The following KIF4A variants were observed in gnomAD, a reference collection of about 807,000 sequenced individuals.
KIF4A encodes the protein chromosome-associated kinesin KIF4A.
A neutral mutation model predicts 105.9 loss-of-function variants in KIF4A; 7 were observed. The observed-to-expected ratio is 0.07, with a 90% CI of 0.04 to 0.12. The LOEUF (loss-of-function observed/expected upper bound fraction) is 0.12, where lower values mean the gene tolerates loss of function less well. Among genes scored for constraint, KIF4A ranks in the 10% least tolerant of loss-of-function variants. The pLI, the probability that KIF4A is intolerant of heterozygous loss-of-function variation, is 1.00. For synonymous variants in KIF4A, 281 were observed against 331.3 expected (o/e 0.85, Z 1.65); for missense variants, 558 against 929.2 (o/e 0.60, Z 5.19).
chrX:70,403,969 T>A lies in KIF4A; in HGVS notation c.2725T>A (p.Phe909Ile). 8.3e-7 allele frequency: 1 copy of A among 1,211,143 alleles called. No individual in the cohort carries two copies. Among genetic ancestry groups the A allele is most frequent in the Non-Finnish European group, 1.1e-6 (1 of 895,353 alleles). The change falls in exon 24 of 31, where the codon TTT becomes ATT. Residue 909 changes from phenylalanine (F) to isoleucine (I), a missense_variant. Transcript: ENST00000374403. ...GATGCTGTTTGAGGAACGAAATCATTTTGCCGAGATAGAGACAGAGTTACA... is the reference window on the plus strand; with the variant it reads ...GATGCTGTTTGAGGAACGAAATCATATTGCCGAGATAGAGACAGAGTTACA... Reference protein sequence around the residue: ...QKMLFEERNHFAEIETELQAE... With the variant: ...QKMLFEERNHIAEIETELQAE...
At chrX:70,367,357 A>G (rs1434842599) in intron 15 of KIF4A, among the ~76,000 whole-genome samples, 3 of 111,552 alleles carry the variant, frequency 2.7e-5, no homozygotes, top group Non-Finnish European at 5.6e-5. Context: ...GATGGTCTTT[A>G]CAATTTGGTA....
Position 70,290,781 on chromosome X carries a change from C to G in KIF4A, c.211C>G (p.Pro71Ala), listed in dbSNP as rs1239053478. 1 of 1,191,844 alleles carries G rather than the reference C, an allele frequency of 8.4e-7. No homozygotes were observed. The highest frequency in any genetic ancestry group is 1.1e-6 in the Non-Finnish European group (1 of 878,793). The change falls in exon 3 of 31, where the codon CCA becomes GCA. Residue 71 changes from proline to alanine, a missense_variant. Physicochemically the swap from Pro to Ala is conservative, Grantham distance 27. Transcript: ENST00000374403. ...QEEVFNTAVA[P>A]LIKGVFKGYN... ...AGAAGTCTTCAATACAGCAGTAGCGCCACTCATAAAAGGTGTATTTAAAGG... is the reference window on the plus strand; with the variant it reads ...AGAAGTCTTCAATACAGCAGTAGCGGCACTCATAAAAGGTGTATTTAAAGG...
chrX:70,375,647 A>G (rs914990191), intron 17 of KIF4A, among the ~76,000 whole-genome samples: 1 of 111,868 alleles, frequency 8.9e-6, no homozygotes. Flanking sequence ...ATGATCATGC[A>G]GCATAATTTT....
At chrX:70,362,932 A>G (rs1280827305) in intron 15 of KIF4A, among the ~76,000 whole-genome samples, 1 of 110,543 alleles carries the variant, frequency 9.0e-6, no homozygotes, top group African/African-American at 3.3e-5. Flanking sequence ...TCAATTATTT[A>G]TTTATCTAGA....
chrX:70,312,686 C>T (rs905154719), intron 7 of KIF4A, among the ~76,000 whole-genome samples: 1 of 111,827 alleles, frequency 8.9e-6, no homozygotes, highest in African/African-American at 3.2e-5. Flanking sequence ...TTTATTTGCA[C>T]ATACATAACT....
chrX:70,303,711 A>G (rs1445145472), intron 7 of KIF4A, among the ~76,000 whole-genome samples: 1 of 110,698 alleles, frequency 9.0e-6, no homozygotes, highest in Admixed American at 9.7e-5. Context: ...CTTTATTGAG[A>G]TATAATTTAC....
At chrX:70,354,158 A>G (rs1027653866) in intron 15 of KIF4A, among the ~76,000 whole-genome samples, 1 of 113,025 alleles carries the variant, frequency 8.8e-6, no homozygotes, top group Non-Finnish European at 1.9e-5. Flanking sequence ...AGTATGAATT[A>G]TGAAGACACT....
Position 70,343,777 on chromosome X carries a change from G to A in KIF4A, c.1325+16G>A, listed in dbSNP as rs1314651509. On this transcript the variant is annotated intron_variant, in intron 12 of 30. Coordinates refer to ENST00000374403, the MANE Select transcript of KIF4A (RefSeq NM_012310.5). Reference sequence around the variant, plus strand: ...AGCATGCGGCGTAAGTTGCCCACCAGATATTTGTTAGCAACCTATAGCATC... The same window carrying A: ...AGCATGCGGCGTAAGTTGCCCACCAAATATTTGTTAGCAACCTATAGCATC... 2.5e-6 allele frequency: 3 copies of A among 1,208,229 alleles called. No individual in the cohort carries two copies. In the Admixed American group the frequency reaches 6.5e-5, roughly 26 times the overall value.
At chrX:70,346,048 C>T (rs981211988) in intron 13 of KIF4A, among the ~76,000 whole-genome samples, 6 of 111,055 alleles carry the variant, frequency 5.4e-5, no homozygotes, top group Admixed American at 1.9e-4. Flanking sequence ...ACACTGCTTA[C>T]GAGTTAGCCC....
intron 22 of KIF4A, among the ~76,000 whole-genome samples, chrX:70,399,574 T>C (rs1336291289): frequency 2.7e-5 from 3 of 110,354 alleles, no homozygotes; most frequent in Admixed American, 9.8e-5. Flanking sequence ...ATTGTCCAAA[T>C]GGCACTTTAT....
chrX:70,316,186 T>TG (rs2085868460), intron 7 of KIF4A, among the ~76,000 whole-genome samples: 1 of 112,151 alleles, frequency 8.9e-6, no homozygotes, highest in Non-Finnish European at 1.9e-5. Flanking sequence ...GAAGGAATGA[T>TG]GAGATTATTC....
At chrX:70,370,529 TATC>T (rs1270819754) in intron 15 of KIF4A, among the ~76,000 whole-genome samples, 1 of 108,742 alleles carries the variant, frequency 9.2e-6, no homozygotes, top group Non-Finnish European at 1.9e-5. Context: ...ATATAGAATA[TATC>T]ATATATATTC....
intron 7 of KIF4A, among the ~76,000 whole-genome samples, chrX:70,304,853 T>C (rs1048403130): frequency 9.1e-6 from 1 of 110,104 alleles, no homozygotes; most frequent in Non-Finnish European, 1.9e-5. Context: ...AGATGGGGTT[T>C]CATTCACCAT....
chrX:70,419,673 A>C lies in KIF4A; in HGVS notation c.3385A>C (p.Thr1129Pro), dbSNP rs1602822720. Reference sequence around the variant, plus strand: ...GCTTGATTTTCAGGATAGCTTGGGCACTGTTGAACGGACCCAGGATTCCGA... The same window carrying C: ...GCTTGATTTTCAGGATAGCTTGGGCCCTGTTGAACGGACCCAGGATTCCGA... ...NRQQGKDSLGTVERTQDSEGS... is the reference protein window; with the variant it reads ...NRQQGKDSLGPVERTQDSEGS... Residue 1129 changes from threonine (T) to proline (P), a missense_variant, in exon 30 of 31, where the codon ACT becomes CCT. Thr to Pro is a conservative substitution (Grantham distance 38). Coordinates refer to ENST00000374403, the MANE Select transcript of KIF4A (RefSeq NM_012310.5). 8.3e-7 allele frequency: 1 copy of C among 1,207,523 alleles called. No homozygotes were observed. The highest frequency in any genetic ancestry group is 1.1e-6 in the Non-Finnish European group (1 of 894,859).
chrX:70,408,871 G>GT (rs1162251717), intron 28 of KIF4A, among the ~76,000 whole-genome samples: 3 of 111,792 alleles, frequency 2.7e-5, no homozygotes, highest in African/African-American at 9.7e-5. Flanking sequence ...TGTTTGTTGT[G>GT]TTTTTTCTTT....
At position 70,330,253 on chromosome X, in the gene KIF4A, A is replaced by C. The variant is rs2085925328; in HGVS notation, c.992A>C (p.Asp331Ala). 1.7e-6 allele frequency: 2 copies of C among 1,211,572 alleles called. No individual in the cohort carries two copies. Among genetic ancestry groups the C allele is most frequent in the Non-Finnish European group, 2.2e-6 (2 of 895,215 alleles). Reference sequence around the variant, plus strand: ...ACATTAAATACCCTTCGCTATGCTGACAGAGCAAGAAAAATCAAGAACAAA... The same window carrying C: ...ACATTAAATACCCTTCGCTATGCTGCCAGAGCAAGAAAAATCAAGAACAAA... ...EETLNTLRYA[D>A]RARKIKNKPI... The change falls in exon 9 of 31, where the codon GAC (aspartate) becomes GCC (alanine). Residue 331 changes from aspartate (D) to alanine (A), a missense_variant. Physicochemically the swap from Asp to Ala is moderately radical, Grantham distance 126. This residue lies in a region of KIF4A where 469 missense variants were observed against 680.4 expected (regional missense o/e 0.69). Transcript: ENST00000374403.
intron 20 of KIF4A, among the ~76,000 whole-genome samples, chrX:70,395,280 G>A (rs2086255048): frequency 9.0e-6 from 1 of 111,623 alleles, no homozygotes; most frequent in Admixed American, 9.5e-5. Flanking sequence ...ACTGAATTTT[G>A]TTTCCTTTTT....
At chrX:70,333,128 C>T (rs1300556688) in intron 9 of KIF4A, among the ~76,000 whole-genome samples, 1 of 109,879 alleles carries the variant, frequency 9.1e-6, no homozygotes, top group African/African-American at 3.3e-5. Flanking sequence ...CAATTGAGGT[C>T]AGCAATTCAA....
At chrX:70,323,580 C>T (rs2085899762) in intron 7 of KIF4A, among the ~76,000 whole-genome samples, 1 of 111,348 alleles carries the variant, frequency 9.0e-6, no homozygotes, top group African/African-American at 3.3e-5. Flanking sequence ...TGGGTTTTCT[C>T]TAACATTTAT....
Sources: gnomAD v4.1 joint callset for allele counts (sites outside exome capture counted in the v4.1 genomes callset) on GRCh38, gnomAD v4.1.1 for gene constraint, gnomAD v4.1.1 regional missense constraint, MANE v1.5 for transcripts, NCBI Gene and HGNC (gene_info 2026-07-23, HGNC 2026-07-21) for gene names.